CAMK2B: variants seen among roughly 807,000 people sequenced by gnomAD.
CAMK2B encodes calcium/calmodulin dependent protein kinase II beta.
A neutral mutation model predicts 93.7 loss-of-function variants in CAMK2B; 27 were observed. The ratio of observed to expected loss-of-function variants is 0.29; its 90% CI spans 0.21 to 0.40. The LOEUF (loss-of-function observed/expected upper bound fraction) is 0.40, where lower values mean the gene tolerates loss of function less well. CAMK2B is among the 10% of genes least tolerant of loss of function. The probability of loss-of-function intolerance (pLI) is 1.00; values close to 1 mark genes in which losing one functional copy is unlikely to be tolerated. For missense variants in CAMK2B, 568 were observed against 895.8 expected (o/e 0.63, Z 4.67); for synonymous variants, 374 against 358.8 (o/e 1.04, Z -0.48).
intron 19 of CAMK2B, among the ~76,000 whole-genome samples, chr7:44,228,148 G>A (rs879823119): frequency 1.7e-4 from 26 of 152,034 alleles, no homozygotes; most frequent in East Asian, 3.9e-4. Flanking sequence ...CTTGAGGAAC[G>A]CTGGACGGGG....
chr7:44,256,254 T>C (rs34974740), intron 4 of CAMK2B, among the ~76,000 whole-genome samples: 45,372 of 152,264 alleles, frequency 0.3, 7,724 homozygotes, highest in Non-Finnish European at 0.39. Context: ...GAGCTTGGCC[T>C]GTCCGTGTGA....
intron 1 of CAMK2B, among the ~76,000 whole-genome samples, chr7:44,307,509 C>G (rs926843587): frequency 6.6e-6 from 1 of 151,922 alleles, no homozygotes. Flanking sequence ...GTGTCATTGG[C>G]GCCATCTGGC....
At chr7:44,231,644 G>A (rs577387773) in intron 16 of CAMK2B, among the ~76,000 whole-genome samples, 144 of 152,318 alleles carry the variant, frequency 9.5e-4, no homozygotes, top group Non-Finnish European at 1.6e-3. Context: ...ACCTTGGCCT[G>A]GCCCCAGGCA....
chr7:44,258,907 G>C lies in CAMK2B; in HGVS notation c.240C>G (p.Ile80Met), dbSNP rs2096856357. 1 of 1,613,988 alleles carries C rather than the reference G, an allele frequency of 6.2e-7. No homozygotes were observed. The highest frequency in any genetic ancestry group is 8.5e-7 in the Non-Finnish European group (1 of 1,179,938). Residue 80 changes from isoleucine to methionine, a missense_variant, in exon 4 of 24, where the codon ATC (isoleucine) becomes ATG (methionine). Coordinates refer to ENST00000395749, the MANE Select transcript of CAMK2B (RefSeq NM_001220.5). ...CCAGGTAGTGGAAGCCCTCCTCGGA[G>C]ATGCTGTCGTGGAGACGCACTGTGG... ...HSNIVRLHDS[I>M]SEEGFHYLVF... is the part of the protein sequence containing the mutation.
At chr7:44,322,466 TG>T (rs1736529532) in intron 1 of CAMK2B, among the ~76,000 whole-genome samples, 1 of 152,262 alleles carries the variant, frequency 6.6e-6, no homozygotes, top group Non-Finnish European at 1.5e-5. Flanking sequence ...GAAGAGATAC[TG>T]TGTTCATTTT....
At chr7:44,262,540 A>G (rs73097708) in intron 3 of CAMK2B, among the ~76,000 whole-genome samples, 5,506 of 152,272 alleles carry the variant, frequency 0.036, 139 homozygotes, top group Middle Eastern at 0.068. Flanking sequence ...TAATTGGGCC[A>G]TCTTGTGGCT....
intron 21 of CAMK2B, 25 bp downstream of exon 21, chr7:44,220,801 C>A (rs1562765248): frequency 1.4e-6 from 2 of 1,409,322 alleles, no homozygotes; most frequent in South Asian, 1.3e-5. Flanking sequence ...TCCTGCACAG[C>A]CCCCCCCCAG....
intron 1 of CAMK2B, among the ~76,000 whole-genome samples, chr7:44,307,610 C>G (rs1792265963): frequency 6.6e-6 from 1 of 152,012 alleles, no homozygotes; most frequent in South Asian, 2.1e-4. Context: ...ACATCAGGGG[C>G]CAACCTACTC....
Position 44,325,392 on chromosome 7 carries a change from G to A in CAMK2B, c.30C>T (p.Phe10=). 1 of 1,227,896 alleles carries A rather than the reference G, an allele frequency of 8.1e-7. No individual in the cohort carries two copies. The highest frequency in any genetic ancestry group is 1.0e-6 in the Non-Finnish European group (1 of 956,432). 76.1% of individuals were successfully genotyped at this position (1,227,896 alleles called of 1,614,324 possible). ...CCTCGTAGAGCTGGTACTCGTCGGT[G>A]AAGCGGGTGCAGGTCACCGTGGTGG... is the stretch of plus-strand genomic sequence containing the variant. MATTVTCTR[F]TDEYQLYEDI... Residue 10 remains phenylalanine, a synonymous_variant, in exon 1 of 24, where the codon TTC becomes TTT. Coordinates refer to ENST00000395749, the MANE Select transcript of CAMK2B (RefSeq NM_001220.5).
chr7:44,241,430 C>T (rs576921376), intron 11 of CAMK2B, among the ~76,000 whole-genome samples: 1 of 152,364 alleles, frequency 6.6e-6, no homozygotes, highest in Admixed American at 6.5e-5. Flanking sequence ...GAGGAGCCCA[C>T]AGCGAGCGCT....
chr7:44,226,491 C>T (rs774046375), intron 20 of CAMK2B, 25 bp downstream of exon 20: 1 of 1,389,432 alleles, frequency 7.2e-7, no homozygotes, highest in Admixed American at 3.1e-5. Context: ...CAGCCGCTGC[C>T]ACGGCCACTC....
rs1273478893 is a variant in CAMK2B at position 44,248,542 on chromosome 7, C to T, written c.342-1350G>A. Among the ~76,000 whole-genome samples, 4 of 152,236 alleles carry T rather than the reference C, an allele frequency of 2.6e-5. No homozygotes were observed. The South Asian group carries it at 6.2e-4, about 24-fold the overall frequency. ...CCCACCTGCCTGGGGTCTCAGTCAC[C>T]GCCCCACTGGGCACGGTCAAGGGAG... On this transcript the variant is annotated intron_variant, in intron 5 of 23. Coordinates refer to ENST00000395749, the MANE Select transcript of CAMK2B (RefSeq NM_001220.5). This position sits in a 1 kb window ranked among gnomAD's most constrained non-coding sequence, Gnocchi z 4.1.
intron 1 of CAMK2B, among the ~76,000 whole-genome samples, chr7:44,308,763 T>C (rs1447229643): frequency 6.6e-6 from 1 of 152,134 alleles, no homozygotes; most frequent in African/African-American, 2.4e-5. Flanking sequence ...AGACTGGCCA[T>C]GAGGCACAGA....
chr7:44,278,327 C>T (rs2129080389), intron 2 of CAMK2B, among the ~76,000 whole-genome samples: 1 of 152,280 alleles, frequency 6.6e-6, no homozygotes, highest in East Asian at 1.9e-4. Flanking sequence ...TTGCAACATC[C>T]CTGTGAGGTA....
At chr7:44,302,835 T>C (rs2129182432) in intron 1 of CAMK2B, among the ~76,000 whole-genome samples, 1 of 152,284 alleles carries the variant, frequency 6.6e-6, no homozygotes, top group South Asian at 2.1e-4. Flanking sequence ...TACTTTCCAC[T>C]AAGATCAGGA....
intron 6 of CAMK2B, among the ~76,000 whole-genome samples, chr7:44,246,172 C>A (rs1378049543): frequency 6.6e-6 from 1 of 152,076 alleles, no homozygotes; most frequent in African/African-American, 2.4e-5. Flanking sequence ...CCTGCTCTCA[C>A]CACTCTGCTC....
intron 1 of CAMK2B, among the ~76,000 whole-genome samples, chr7:44,291,183 T>C (rs1403660707): frequency 6.6e-6 from 1 of 152,134 alleles, no homozygotes; most frequent in African/African-American, 2.4e-5. Context: ...TATTTACTCC[T>C]CCCCAGCCTC....
chr7:44,289,157 C>A (rs548778768), intron 1 of CAMK2B, among the ~76,000 whole-genome samples: 1 of 152,178 alleles, frequency 6.6e-6, no homozygotes, highest in Non-Finnish European at 1.5e-5. Context: ...CACTTGCAAC[C>A]GGCCACCAGT....
At chr7:44,272,507 C>T (rs1318245595) in intron 2 of CAMK2B, among the ~76,000 whole-genome samples, 1 of 152,198 alleles carries the variant, frequency 6.6e-6, no homozygotes, top group Non-Finnish European at 1.5e-5. Context: ...CGACAACCAG[C>T]AATTAACCCG....
Sources: gnomAD v4.1 joint callset for allele counts (sites outside exome capture counted in the v4.1 genomes callset) on GRCh38, gnomAD v4.1.1 for gene constraint, Gnocchi (gnomAD v3.1) non-coding constraint, MANE v1.5 for transcripts, NCBI Gene and HGNC (gene_info 2026-07-23, HGNC 2026-07-21) for gene names.